The following SKAP1 variants were observed in gnomAD, a reference collection of about 807,000 sequenced individuals.
SKAP1 encodes the protein src kinase-associated phosphoprotein 1.
A neutral mutation model predicts 58.5 loss-of-function variants in SKAP1; 44 were observed. The ratio of observed to expected loss-of-function variants is 0.75; its 90% CI spans 0.59 to 0.97. The LOEUF (loss-of-function observed/expected upper bound fraction) is 0.97, where lower values mean the gene tolerates loss of function less well. Among genes scored for constraint, SKAP1 ranks in the 50% least tolerant of loss-of-function variants. SKAP1 has a pLI of 0.00. For missense variants in SKAP1, 390 were observed against 435.2 expected, an observed-to-expected ratio of 0.90 and a Z score of 0.92; for synonymous variants, 127 against 149.7, an observed-to-expected ratio of 0.85 and a Z score of 1.11.
chr17:48,350,577 T>A (rs1461279047), intron 3 of SKAP1, among the ~76,000 whole-genome samples: 1 of 152,140 alleles, frequency 6.6e-6, no homozygotes, highest in Non-Finnish European at 1.5e-5. Flanking sequence ...ATGCCTGTAA[T>A]CCCAGCTACT....
chr17:48,258,168 G>A (rs1567841454), intron 4 of SKAP1, among the ~76,000 whole-genome samples: 1 of 151,976 alleles, frequency 6.6e-6, no homozygotes, highest in Non-Finnish European at 1.5e-5. Context: ...GTCCTCTGAT[G>A]GTGCTTTTGA....
chr17:48,174,539 T>C (rs2064263694), intron 9 of SKAP1, among the ~76,000 whole-genome samples: 1 of 152,184 alleles, frequency 6.6e-6, no homozygotes, highest in African/African-American at 2.4e-5. Flanking sequence ...AACTATTATA[T>C]GGCAACAGAA....
intron 3 of SKAP1, 32 bp downstream of exon 3, chr17:48,363,757 C>T (rs770239909): frequency 6.3e-7 from 1 of 1,578,156 alleles, no homozygotes; most frequent in Non-Finnish European, 8.7e-7. Context: ...ACATTTTTAG[C>T]ATAAAACCAT....
At chr17:48,435,626 T>G in the SKAP1 span, among the ~76,000 whole-genome samples, 1 of 152,202 alleles carries the variant, frequency 6.6e-6, no homozygotes, top group African/African-American at 2.4e-5. Flanking sequence ...TCGACCTGGG[T>G]TTCTTTGGTT....
intron 4 of SKAP1, chr17:48,308,821 G>A (rs1413970762): frequency 6.6e-6 from 1 of 152,088 alleles, no homozygotes; most frequent in Non-Finnish European, 1.5e-5. Flanking sequence ...GATTAAATGA[G>A]TTAATATACA....
chr17:48,170,684 A>G, intron 9 of SKAP1, 25 bp from the exon 10 acceptor site: 1 of 1,584,694 alleles, frequency 6.3e-7, no homozygotes. Context: ...GATCAGTATT[A>G]GCAATTAGTG....
chr17:48,418,099 A>G (rs1396868), intron 1 of SKAP1, among the ~76,000 whole-genome samples: 93,330 of 151,996 alleles, frequency 0.61, 29,403 homozygotes, highest in African/African-American at 0.76. Flanking sequence ...ACCAGACTGG[A>G]CAATACAGCA....
intron 10 of SKAP1, among the ~76,000 whole-genome samples, chr17:48,163,893 G>A (rs2064103519): frequency 2.6e-5 from 4 of 152,204 alleles, no homozygotes; most frequent in Admixed American, 2.6e-4. Flanking sequence ...AGAGGAGGGA[G>A]AGAACTATTT....
Position 48,171,090 on chromosome 17 carries a change from G to GT in SKAP1, c.827-432dup, listed in dbSNP as rs1458338120. On this transcript the variant is annotated intron_variant, in intron 9 of 12. Coordinates refer to ENST00000336915, the MANE Select transcript of SKAP1 (RefSeq NM_003726.4). ...CTTCTTTAAGGAAAGTTTAATTACT[G>GT]TTGTTTTTTTTTTTTTTTTTTTTTT... 5.4e-3 allele frequency among the ~76,000 whole-genome samples: 397 copies of GT among 74,116 alleles called. 8 individuals carry two copies. Among genetic ancestry groups the GT allele is most frequent in the African/African-American group, 0.015 (368 of 23,826 alleles). 48.6% of individuals were successfully genotyped at this position (74,116 alleles called of 152,430 possible). A position where few individuals can be genotyped will look rare whatever the true frequency, so the allele number is the denominator to read the frequency against.
At chr17:48,202,728 A>G (rs929152838) in intron 4 of SKAP1, among the ~76,000 whole-genome samples, 1 of 152,182 alleles carries the variant, frequency 6.6e-6, no homozygotes, top group African/African-American at 2.4e-5. Flanking sequence ...CTAAATCTCA[A>G]TATCTATTTG....
At chr17:48,382,686 C>T (rs774267653) in intron 2 of SKAP1, 1 of 152,162 alleles carries the variant, frequency 6.6e-6, no homozygotes, top group Non-Finnish European at 1.5e-5. Context: ...CCTCAGTATA[C>T]CTAGCACTGT....
intron 3 of SKAP1, among the ~76,000 whole-genome samples, chr17:48,353,999 A>C (rs1685238459): frequency 6.6e-6 from 1 of 152,126 alleles, no homozygotes; most frequent in African/African-American, 2.4e-5. Context: ...CATGTTGTAC[A>C]GGCTACAGGT....
chr17:48,250,865 G>A (rs1476031440), intron 4 of SKAP1, among the ~76,000 whole-genome samples: 2 of 152,026 alleles, frequency 1.3e-5, no homozygotes, highest in African/African-American at 4.8e-5. Flanking sequence ...AGGGAGACAA[G>A]TAACTTAATA....
Position 48,387,395 on chromosome 17 carries a change from T to A in SKAP1, c.152+9285A>T, listed in dbSNP as rs547522303. 3.9e-4 allele frequency among the ~76,000 whole-genome samples: 60 copies of A among 152,314 alleles called. 1 individual carries two copies. The South Asian group carries it at 0.011, about 29-fold the overall frequency. On this transcript the variant is annotated intron_variant, in intron 2 of 12. Transcript: ENST00000336915. The stretch of plus-strand genomic sequence containing the variant: ...AACTGCTAAGACACCCATGCCACTA[T>A]CTCTTCTCTCCATCTCACCTCTCCA...
At chr17:48,332,233 C>T (rs1338151372) in intron 4 of SKAP1, among the ~76,000 whole-genome samples, 1 of 151,904 alleles carries the variant, frequency 6.6e-6, no homozygotes, top group African/African-American at 2.4e-5. Context: ...ATCATATTAA[C>T]TTCTCTGTAT....
At chr17:48,437,090 C>A in the SKAP1 span, among the ~76,000 whole-genome samples, 4 of 152,160 alleles carry the variant, frequency 2.6e-5, no homozygotes, top group East Asian at 7.7e-4. Flanking sequence ...TTCTCTGAGT[C>A]TCTAGTGGTT....
chr17:48,361,213 T>C (rs1040197780), intron 3 of SKAP1, among the ~76,000 whole-genome samples: 1 of 151,918 alleles, frequency 6.6e-6, no homozygotes, highest in Non-Finnish European at 1.5e-5. Context: ...TTTTTTTTTT[T>C]TTTCTTTTTG....
In SKAP1 at chr17:48,220,772, G is replaced by C. The variant is rs1260695750; in HGVS notation, c.281-31272C>G. On this transcript the variant is annotated intron_variant, in intron 4 of 12. Coordinates refer to ENST00000336915, the MANE Select transcript of SKAP1 (RefSeq NM_003726.4). Reference sequence around the variant, plus strand: ...GGAGGCTGAGGCACAAGAATCGCTTGAACCCAGGAGGTGGAGGTTGCAATA... The same window carrying C: ...GGAGGCTGAGGCACAAGAATCGCTTCAACCCAGGAGGTGGAGGTTGCAATA... 2.1e-5 allele frequency among the ~76,000 whole-genome samples: 3 copies of C among 141,706 alleles called. No individual in the cohort carries two copies. In the East Asian group the frequency reaches 6.4e-4, roughly 30 times the overall value. 93.0% of individuals were successfully genotyped at this position (141,706 alleles called of 152,430 possible).
intron 4 of SKAP1, among the ~76,000 whole-genome samples, chr17:48,293,841 G>A (rs1182194072): frequency 1.3e-5 from 2 of 152,164 alleles, no homozygotes; most frequent in Non-Finnish European, 2.9e-5. Context: ...CATTGCTGCC[G>A]GGTATTGCTA....
Sources: allele counts gnomAD v4.1 joint callset (sites outside exome capture counted in the v4.1 genomes callset), GRCh38; gene constraint gnomAD v4.1.1; transcripts MANE v1.5; gene names NCBI Gene and HGNC (gene_info 2026-07-23, HGNC 2026-07-21).